FAM193B: variants seen among roughly 807,000 people sequenced by gnomAD.
The protein encoded by FAM193B is family with sequence similarity 193 member B.
Under a neutral mutation model 70.7 loss-of-function variants are expected in FAM193B, and 27 were observed. That is an observed-to-expected ratio of 0.38 (90% CI 0.28 to 0.53). The LOEUF (loss-of-function observed/expected upper bound fraction) is 0.53, where lower values mean the gene tolerates loss of function less well. Ranked by LOEUF, FAM193B falls within the 20% of genes least tolerant of loss-of-function variation. The pLI, the probability that FAM193B is intolerant of heterozygous loss-of-function variation, is 0.81. For missense variants in FAM193B, 1,022 were observed against 1,072.5 expected (o/e 0.95, Z 0.66); for synonymous variants, 448 against 436.0 (o/e 1.03, Z -0.34).
chr5:177,539,189 G>C (rs1764555783), intron 1 of FAM193B, 42 bp from the exon 2 acceptor site: 1 of 1,502,182 alleles, frequency 6.7e-7, no homozygotes, highest in East Asian at 2.5e-5. Flanking sequence ...GAGGGGAAAG[G>C]CTCTCCTTCA....
At chr5:177,539,511 G>A (rs1764593507) in intron 1 of FAM193B, among the ~76,000 whole-genome samples, 1 of 152,170 alleles carries the variant, frequency 6.6e-6, no homozygotes, top group Non-Finnish European at 1.5e-5. Flanking sequence ...GGCTGGGAGT[G>A]TCCACAATTC....
intron 5 of FAM193B, chr5:177,531,739 G>T: frequency 1.6e-6 from 1 of 632,628 alleles, no homozygotes; most frequent in Non-Finnish European, 2.3e-6. Context: ...GGCAAACACT[G>T]ACTGGGGAGC....
chr5:177,526,646 A>C (rs1327642463), intron 5 of FAM193B, among the ~76,000 whole-genome samples: 3 of 152,220 alleles, frequency 2.0e-5, no homozygotes, highest in African/African-American at 7.2e-5. Flanking sequence ...CTGTACCGTC[A>C]GCACTTCCCA....
intron 5 of FAM193B, among the ~76,000 whole-genome samples, chr5:177,526,313 A>G (rs1046577003): frequency 6.6e-6 from 1 of 152,208 alleles, no homozygotes; most frequent in African/African-American, 2.4e-5. Context: ...TTCCAGGGTC[A>G]GTATGAGGAC....
intron 4 of FAM193B, among the ~76,000 whole-genome samples, chr5:177,534,236 TTACAGAA>T (rs1167002401): frequency 6.6e-6 from 1 of 152,168 alleles, no homozygotes; most frequent in Non-Finnish European, 1.5e-5. Context: ...TCAGTGGTGC[TTACAGAA>T]GTTTGTTCTA....
In FAM193B at chr5:177,525,224, G is replaced by A; in HGVS notation, c.1276-19C>T. ...CCTTTTCCTGCCAAGGCAAGAGGCA[G>A]TTTTAGCAGGAGGCTGTCAACTGCC... is the stretch of plus-strand genomic sequence containing the variant. On this transcript the variant is annotated intron_variant, in intron 5 of 8. Transcript: ENST00000514747. The A allele has an allele frequency of 6.9e-7, 1 of 1,440,554 alleles. No homozygotes were observed. The highest frequency in any genetic ancestry group is 9.2e-7 in the Non-Finnish European group (1 of 1,091,984). 89.2% of individuals were successfully genotyped at this position (1,440,554 alleles called of 1,614,324 possible). A position where few individuals can be genotyped will look rare whatever the true frequency, so the allele number is the denominator to read the frequency against.
Position 177,538,895 on chromosome 5 carries a change from G to T in FAM193B, c.453+10C>A, listed in dbSNP as rs376370714. The stretch of plus-strand genomic sequence containing the variant: ...CCTGCATTCAGGGACCCCTGTCAGC[G>T]GTTACCTACCGCCACTGCATGTTCT... On this transcript the variant is annotated intron_variant, in intron 2 of 8. Transcript: ENST00000514747. The surrounding 1 kb of genome is among the most constrained non-coding windows in gnomAD (Gnocchi z 4.1). 4.2e-5 allele frequency: 67 copies of T among 1,613,156 alleles called. No individual in the cohort carries two copies. Among genetic ancestry groups the T allele is most frequent in the Non-Finnish European group, 5.4e-5 (64 of 1,179,238 alleles).
intron 1 of FAM193B, among the ~76,000 whole-genome samples, chr5:177,543,782 C>A (rs1237706516): frequency 1.3e-5 from 2 of 152,310 alleles, no homozygotes; most frequent in East Asian, 3.9e-4. Context: ...CATTCATGAC[C>A]CCTTATGCCC....
At chr5:177,528,655 T>G (rs1232271198) in intron 5 of FAM193B, among the ~76,000 whole-genome samples, 2 of 152,186 alleles carry the variant, frequency 1.3e-5, no homozygotes, top group Non-Finnish European at 2.9e-5. Context: ...GCTTTTTTCC[T>G]CATTGAAATA....
intron 7 of FAM193B, chr5:177,523,398 A>G: frequency 4.4e-6 from 1 of 226,254 alleles, no homozygotes; most frequent in Non-Finnish European, 9.4e-6. Context: ...GCAGATATGG[A>G]GGGTGACTGT....
chr5:177,549,482 C>T (rs537431030), intron 1 of FAM193B, among the ~76,000 whole-genome samples: 20 of 152,140 alleles, frequency 1.3e-4, no homozygotes, highest in Non-Finnish European at 2.8e-4. Flanking sequence ...CATGAGCCAC[C>T]GCGCCCAGCC....
Position 177,532,438 on chromosome 5 carries a change from C to T in FAM193B, c.1275+5G>A. The T allele has an allele frequency of 6.2e-7, 1 of 1,608,174 alleles. No homozygotes were observed. Among genetic ancestry groups the T allele is most frequent in the Non-Finnish European group, 8.5e-7 (1 of 1,177,850 alleles). ...GCCCTCTCTAGCCTGGGCAGGCTCACTCACCGCATTGTGGCCGAAGAACTC... is the reference window on the plus strand; with the variant it reads ...GCCCTCTCTAGCCTGGGCAGGCTCATTCACCGCATTGTGGCCGAAGAACTC... On this transcript the variant is annotated splice_donor_5th_base_variant and intron_variant, in intron 5 of 8. Transcript: ENST00000514747. The surrounding 1 kb of genome is among the most constrained non-coding windows in gnomAD (Gnocchi z 4.9).
rs1483560338 is a variant in FAM193B at position 177,536,604 on chromosome 5, A to G, written c.830T>C (p.Leu277Pro). ...SSFGSPPHPH[L>P]LPTTPAAPFP... is the part of the protein sequence containing the mutation. ...AGGTGCTGCCGGGGTGGTGGGCAGC[A>G]GGTGTGGGTGGGGTGGGGAGCCAAA... Residue 277 changes from leucine (L) to proline (P), a missense_variant, in exon 4 of 9, where the codon CTG (leucine) becomes CCG (proline). Leu to Pro is a moderately conservative substitution (Grantham distance 98). Coordinates refer to ENST00000514747, the MANE Select transcript of FAM193B (RefSeq NM_001190946.3). The G allele has an allele frequency of 2.4e-6, 3 of 1,258,652 alleles. No individual in the cohort carries two copies. The highest frequency in any genetic ancestry group is 5.4e-5 in the Admixed American group (2 of 36,780). 78.0% of individuals were successfully genotyped at this position (1,258,652 alleles called of 1,614,324 possible).
chr5:177,532,178 T>G lies in FAM193B; in HGVS notation c.1275+265A>C, dbSNP rs2086245655. On this transcript the variant is annotated intron_variant, in intron 5 of 8. Coordinates refer to ENST00000514747, the MANE Select transcript of FAM193B (RefSeq NM_001190946.3). The surrounding 1 kb of genome is among the most constrained non-coding windows in gnomAD (Gnocchi z 4.9). Reference sequence around the variant, plus strand: ...TACTCATCAGAATCATAGCTTTCTCTCTGCCATTTCCTTTCCTTTTGCCTA... The same window carrying G: ...TACTCATCAGAATCATAGCTTTCTCGCTGCCATTTCCTTTCCTTTTGCCTA... 6.8e-7 allele frequency: 1 copy of G among 1,476,968 alleles called. No individual in the cohort carries two copies. Among genetic ancestry groups the G allele is most frequent in the Non-Finnish European group, 9.0e-7 (1 of 1,109,850 alleles). The allele number at this position is 1,476,968 out of a possible 1,614,324, so 91.5% of individuals were successfully genotyped here.
At chr5:177,548,199 T>G (rs1197169495) in intron 1 of FAM193B, among the ~76,000 whole-genome samples, 2 of 152,228 alleles carry the variant, frequency 1.3e-5, no homozygotes, top group African/African-American at 4.8e-5. Flanking sequence ...ACTCTTTTGT[T>G]TAAAAACGTA....
chr5:177,552,776 C>G (rs1289426248), intron 1 of FAM193B, among the ~76,000 whole-genome samples: 1 of 152,214 alleles, frequency 6.6e-6, no homozygotes, highest in Non-Finnish European at 1.5e-5. Context: ...GGTGGAGCTT[C>G]TGACACTCAG....
chr5:177,528,461 A>G (rs1462721069), intron 5 of FAM193B, among the ~76,000 whole-genome samples: 1 of 152,206 alleles, frequency 6.6e-6, no homozygotes, highest in Non-Finnish European at 1.5e-5. Flanking sequence ...TGGTGGACAC[A>G]ATGAAATGTG....
intron 3 of FAM193B, among the ~76,000 whole-genome samples, chr5:177,537,015 T>C (rs1223539490): frequency 6.6e-6 from 1 of 152,198 alleles, no homozygotes; most frequent in East Asian, 1.9e-4. Flanking sequence ...AGATATGCAT[T>C]CTGTCTCTGA....
intron 4 of FAM193B, among the ~76,000 whole-genome samples, chr5:177,534,736 C>T (rs952359207): frequency 6.6e-6 from 1 of 152,200 alleles, no homozygotes; most frequent in Non-Finnish European, 1.5e-5. Flanking sequence ...CTTCAGCCCC[C>T]GCAACCTAAG....
Sources: gnomAD v4.1 joint callset for allele counts (sites outside exome capture counted in the v4.1 genomes callset) on GRCh38, gnomAD v4.1.1 for gene constraint, Gnocchi (gnomAD v3.1) non-coding constraint, MANE v1.5 for transcripts, NCBI Gene and HGNC (gene_info 2026-07-23, HGNC 2026-07-21) for gene names.